The following SLC9A5 variants were observed in gnomAD, a reference collection of about 807,000 sequenced individuals.
SLC9A5 encodes solute carrier family 9 member A5.
SLC9A5 carries 52 observed loss-of-function variants against 91.7 expected under a neutral mutation model. The observed-to-expected ratio is 0.57, with a 90% confidence interval of 0.45 to 0.71. The LOEUF (loss-of-function observed/expected upper bound fraction) is 0.71, where lower values mean the gene tolerates loss of function less well. Ranked by LOEUF, SLC9A5 falls within the 30% of genes least tolerant of loss-of-function variation. The pLI is 0.00. For synonymous variants in SLC9A5, 419 were observed against 474.5 expected (o/e 0.88, Z 1.52); for missense variants, 871 against 1,158.9 (o/e 0.75, Z 3.61).
In SLC9A5 at chr16:67,264,440, G is replaced by C; in HGVS notation, c.1931G>C (p.Arg644Pro). ...KEVFQQNMKRRLESFKSTKHN... is the reference protein window; with the variant it reads ...KEVFQQNMKRPLESFKSTKHN... The stretch of plus-strand genomic sequence containing the variant: ...GTCTTCCAGCAGAACATGAAGCGGC[G>C]GCTGGAGTCCTTTAAGTCCACCAAG... The change falls in exon 13 of 16, where the codon CGG becomes CCG. Residue 644 changes from arginine (R) to proline (P), a missense_variant. By Grantham distance (103) the Arg-to-Pro change is moderately radical. Coordinates refer to ENST00000299798, the MANE Select transcript of SLC9A5 (RefSeq NM_004594.3). The C allele has an allele frequency of 6.2e-7, 1 of 1,614,164 alleles. No individual in the cohort carries two copies. The highest frequency in any genetic ancestry group is 8.5e-7 in the Non-Finnish European group (1 of 1,180,002).
intron 12 of SLC9A5, among the ~76,000 whole-genome samples, chr16:67,260,323 C>G (rs575076823): frequency 2.1e-4 from 27 of 130,626 alleles, no homozygotes; most frequent in African/African-American, 9.5e-4. Flanking sequence ...CCACTGCACT[C>G]CAGCCTGGGT....
chr16:67,251,916 A>G (rs1427605259), intron 1 of SLC9A5, among the ~76,000 whole-genome samples: 1 of 152,192 alleles, frequency 6.6e-6, no homozygotes, highest in Non-Finnish European at 1.5e-5. Context: ...ACTGGGTAGC[A>G]TTAGCTGAGG....
chr16:67,266,131 G>A lies in SLC9A5; in HGVS notation c.2124G>A (p.Glu708=), dbSNP rs766389319. Reference sequence around the variant, plus strand: ...TGGAGTCTGAGGAGGAGGAGGAGGAGAGCGACAGTTCAGAGACAGAGAAGG... The same window carrying A: ...TGGAGTCTGAGGAGGAGGAGGAGGAAAGCGACAGTTCAGAGACAGAGAAGG... ...LTVESEEEEE[E]SDSSETEKED... The change falls in exon 15 of 16, where the codon GAG becomes GAA. Residue 708 remains glutamate, a synonymous_variant. Coordinates refer to ENST00000299798, the MANE Select transcript of SLC9A5 (RefSeq NM_004594.3). 6.2e-7 allele frequency: 1 copy of A among 1,611,704 alleles called. No individual in the cohort carries two copies. Among genetic ancestry groups the A allele is most frequent in the Non-Finnish European group, 8.5e-7 (1 of 1,178,912 alleles).
Position 67,270,135 on chromosome 16 carries a change from C to T in SLC9A5, c.2219-603C>T, listed in dbSNP as rs182675828. On this transcript the variant is annotated intron_variant, in intron 15 of 15. Transcript: ENST00000299798. This position sits in a 1 kb window ranked among gnomAD's most constrained non-coding sequence, Gnocchi z 4.3. ...CCAGTGCTGCAGTAGGGTGAGGGGA[C>T]TGGAGATGGGGCTTCCTGCCTGGCT... 6.6e-6 allele frequency among the ~76,000 whole-genome samples: 1 copy of T among 152,242 alleles called. No individual in the cohort carries two copies. The highest frequency in any genetic ancestry group is 6.5e-5 in the Admixed American group (1 of 15,286).
Position 67,257,162 on chromosome 16 carries a change from G to A in SLC9A5, c.1335+49G>A. ...TAGGGAGAGGGTTGGGCAGGCCCTGGGGGAGTCTTGGAGCCTGTGGGACAG... is the reference window on the plus strand; with the variant it reads ...TAGGGAGAGGGTTGGGCAGGCCCTGAGGGAGTCTTGGAGCCTGTGGGACAG... On this transcript the variant is annotated intron_variant, in intron 7 of 15. Coordinates refer to ENST00000299798, the MANE Select transcript of SLC9A5 (RefSeq NM_004594.3). This position sits in a 1 kb window ranked among gnomAD's most constrained non-coding sequence, Gnocchi z 5.1. The A allele has an allele frequency of 6.5e-7, 1 of 1,549,414 alleles. No homozygotes were observed. Among genetic ancestry groups the A allele is most frequent in the South Asian group, 1.1e-5 (1 of 87,120 alleles).
Position 67,255,601 on chromosome 16 carries a change from C to A in SLC9A5, c.733+130C>A. ...CATCTCCTCTATAGAGAAATGGGGT[C>A]TGGGAGGGGCTTGCCAGGGATCCTG... On this transcript the variant is annotated intron_variant, in intron 4 of 15. Coordinates refer to ENST00000299798, the MANE Select transcript of SLC9A5 (RefSeq NM_004594.3). This position sits in a 1 kb window ranked among gnomAD's most constrained non-coding sequence, Gnocchi z 4.9. 7.8e-7 allele frequency: 1 copy of A among 1,287,146 alleles called. No homozygotes were observed. The highest frequency in any genetic ancestry group is 1.1e-6 in the Non-Finnish European group (1 of 908,516). The allele number at this position is 1,287,146 out of a possible 1,614,324, so 79.7% of individuals were successfully genotyped here.
rs1216367974 is a variant in SLC9A5, at chr16:67,271,492, G to A, written c.*282G>A. On this transcript the variant is annotated 3_prime_UTR_variant, in exon 16 of 16. Transcript: ENST00000299798. ...TTCTACGGGCTAGGCCCAGAGACTTGGGTTGCTGGTCCCCCTTCCCTAGTG... is the reference window on the plus strand; with the variant it reads ...TTCTACGGGCTAGGCCCAGAGACTTAGGTTGCTGGTCCCCCTTCCCTAGTG... The A allele has an allele frequency of 2.2e-6, 1 of 457,874 alleles. No individual in the cohort carries two copies. The highest frequency in any genetic ancestry group is 4.0e-6 in the Non-Finnish European group (1 of 252,518). The allele number at this position is 457,874 out of a possible 1,614,324, so 28.4% of individuals were successfully genotyped here.
In SLC9A5 at chr16:67,271,346, G is replaced by C; in HGVS notation, c.*136G>C. 1 of 742,818 alleles carries C rather than the reference G, an allele frequency of 1.3e-6. No individual in the cohort carries two copies. The highest frequency in any genetic ancestry group is 2.2e-6 in the Non-Finnish European group (1 of 450,562). The allele number at this position is 742,818 out of a possible 1,614,324, so 46.0% of individuals were successfully genotyped here. ...TAGTAATTGGGCTTCCTTGGAGCTA[G>C]TCAGAGGGGTCACCTAAGCTGGTCC... is the stretch of plus-strand genomic sequence containing the variant. On this transcript the variant is annotated 3_prime_UTR_variant, in exon 16 of 16. Transcript: ENST00000299798.
At chr16:67,262,002 A>G (rs968098556) in intron 12 of SLC9A5, 3 of 301,558 alleles carry the variant, frequency 9.9e-6, no homozygotes, top group African/African-American at 4.4e-5. Context: ...GTTCAGTCCA[A>G]TCGGTTCATG....
intron 1 of SLC9A5, 58 bp downstream of exon 1, chr16:67,249,259 C>T (rs926382267): frequency 1.6e-6 from 2 of 1,278,614 alleles, no homozygotes; most frequent in Non-Finnish European, 2.0e-6. Context: ...GCCCCCAACA[C>T]CCCCACCTCC....
chr16:67,258,682 C>T lies in SLC9A5; in HGVS notation c.1626+235C>T, dbSNP rs138978072. 1.4e-4 allele frequency among the ~76,000 whole-genome samples: 22 copies of T among 152,326 alleles called. No individual in the cohort carries two copies. In the East Asian group the frequency reaches 4.1e-3, roughly 28 times the overall value. On this transcript the variant is annotated intron_variant, in intron 10 of 15. Transcript: ENST00000299798. The surrounding 1 kb of genome is among the most constrained non-coding windows in gnomAD (Gnocchi z 4.5). ...AGCTGGACTCTGGGGTCAGCTCAAC[C>T]ATTATCACTTCCAAGCTTGTGACCT...
chr16:67,267,081 G>GTTTTT (rs980874306), intron 15 of SLC9A5, among the ~76,000 whole-genome samples: 100 of 47,628 alleles, frequency 2.1e-3, no homozygotes, highest in East Asian at 3.0e-3. Context: ...CCCAGCTGTT[G>GTTTTT]TTTTTTTTTT....
chr16:67,266,639 C>T (rs2035714923), intron 15 of SLC9A5, among the ~76,000 whole-genome samples: 1 of 151,986 alleles, frequency 6.6e-6, no homozygotes, highest in Non-Finnish European at 1.5e-5. Flanking sequence ...CTCCCGGGTT[C>T]AAGCAATTCT....
Position 67,252,918 on chromosome 16 carries a change from T to C in SLC9A5, c.490+74T>C, listed in dbSNP as rs2035183133. 1 of 1,359,666 alleles carries C rather than the reference T, an allele frequency of 7.4e-7. No homozygotes were observed. The highest frequency in any genetic ancestry group is 1.0e-6 in the Non-Finnish European group (1 of 999,396). The allele number at this position is 1,359,666 out of a possible 1,614,324, so 84.2% of individuals were successfully genotyped here. A position where few individuals can be genotyped will look rare whatever the true frequency, so the allele number is the denominator to read the frequency against. On this transcript the variant is annotated intron_variant, in intron 2 of 15. Coordinates refer to ENST00000299798, the MANE Select transcript of SLC9A5 (RefSeq NM_004594.3). The surrounding 1 kb of genome is among the most constrained non-coding windows in gnomAD (Gnocchi z 4.0). ...CTTCTCCTCAAGCTCTGGAGGCCCA[T>C]GCTGGTGTGAGCCATGCCCTGAAAG...
At position 67,259,599 on chromosome 16, in the gene SLC9A5, T is replaced by C; in HGVS notation, c.1653T>C (p.Gly551=). Residue 551 remains glycine, a synonymous_variant, in exon 11 of 16, where the codon GGT becomes GGC. Coordinates refer to ENST00000299798, the MANE Select transcript of SLC9A5 (RefSeq NM_004594.3). ...DQGGHVLSST[G]LTLPSMPSRN... is the part of the protein sequence containing the mutation. Reference sequence around the variant, plus strand: ...GAGGCCACGTCTTGTCTTCCACAGGTCTCACTCTGCCTTCTATGCCCAGCC... The same window carrying C: ...GAGGCCACGTCTTGTCTTCCACAGGCCTCACTCTGCCTTCTATGCCCAGCC... 6.2e-7 allele frequency: 1 copy of C among 1,614,102 alleles called. No individual in the cohort carries two copies. Among genetic ancestry groups the C allele is most frequent in the Non-Finnish European group, 8.5e-7 (1 of 1,179,992 alleles).
chr16:67,262,157 T>G (rs2035552892), intron 12 of SLC9A5: 5 of 390,948 alleles, frequency 1.3e-5, no homozygotes, highest in South Asian at 9.1e-5. Context: ...ATCTGAAAAT[T>G]TGTTAAGCCT....
intron 12 of SLC9A5, chr16:67,262,882 A>G (rs2035577714): frequency 6.5e-6 from 1 of 153,340 alleles, no homozygotes; most frequent in African/African-American, 2.4e-5. Flanking sequence ...AGCACTGGTG[A>G]CCAGCAAGAA....
chr16:67,254,937 G>A (rs1018648795), intron 2 of SLC9A5, 84 bp from the exon 3 acceptor site: 16 of 1,367,864 alleles, frequency 1.2e-5, no homozygotes, highest in Non-Finnish European at 1.6e-5. Context: ...CAGCAGGGGT[G>A]GGGCCTGGGC....
chr16:67,268,686 ATATATATATATATATATATATATATT>A lies in SLC9A5; in HGVS notation c.2219-2050_2219-2025del, dbSNP rs1302979929. Among the ~76,000 whole-genome samples the A allele has an allele frequency of 6.5e-4, 49 of 74,828 alleles. 1 individual carries two copies. Among genetic ancestry groups the A allele is most frequent in the African/African-American group, 3.7e-3 (43 of 11,510 alleles). The allele number at this position is 74,828 out of a possible 152,430, so 49.1% of individuals were successfully genotyped here. ...TATATATATATATATATATATATAT[ATATATATATATATATATATATATATT>A]TTTACAGTAGGCTTGTCCAATGTCC... On this transcript the variant is annotated intron_variant, in intron 15 of 15. Transcript: ENST00000299798.
Sources: allele counts gnomAD v4.1 joint callset (sites outside exome capture counted in the v4.1 genomes callset), GRCh38; gene constraint gnomAD v4.1.1; non-coding constraint Gnocchi (gnomAD v3.1); transcripts MANE v1.5; gene names NCBI Gene and HGNC (gene_info 2026-07-23, HGNC 2026-07-21).